The following NBEAL2 variants were observed in gnomAD, a reference collection of about 807,000 sequenced individuals.
NBEAL2 encodes neurobeachin like 2.
Under a neutral mutation model 299.8 loss-of-function variants are expected in NBEAL2, and 160 were observed. That is an observed-to-expected ratio of 0.53 (90% CI 0.47 to 0.61). NBEAL2 has a LOEUF of 0.61. Among genes scored for constraint, NBEAL2 ranks in the 20% least tolerant of loss-of-function variants. NBEAL2 has a pLI of 0.00. For synonymous variants in NBEAL2, 1,493 were observed against 1,542.3 expected (o/e 0.97, Z 0.75); for missense variants, 3,112 against 3,649.0 (o/e 0.85, Z 3.79).
At position 47,001,189 on chromosome 3, in the gene NBEAL2, A is replaced by G; in HGVS notation, c.4484+10A>G. Reference sequence around the variant, plus strand: ...ACTGCATCAAGCGCAGGTGAGAGGGAAAGTCTGGAGGGGGAGGGGCTTCAG... The same window carrying G: ...ACTGCATCAAGCGCAGGTGAGAGGGGAAGTCTGGAGGGGGAGGGGCTTCAG... On this transcript the variant is annotated intron_variant, in intron 28 of 53. Transcript: ENST00000450053. This position sits in a 1 kb window ranked among gnomAD's most constrained non-coding sequence, Gnocchi z 6.1. 1 of 1,606,988 alleles carries G rather than the reference A, an allele frequency of 6.2e-7. No homozygotes were observed. The highest frequency in any genetic ancestry group is 1.3e-5 in the African/African-American group (1 of 74,764).
In NBEAL2 at chr3:46,995,076, C is replaced by T. The variant is rs1575598590; in HGVS notation, c.1341C>T (p.Arg447=). 1.3e-6 allele frequency: 2 copies of T among 1,560,352 alleles called. No individual in the cohort carries two copies. The highest frequency in any genetic ancestry group is 1.7e-6 in the Non-Finnish European group (2 of 1,149,960). ...DHSMCPPPPI[R]NEQPVLVLAQ... ...GCATGTGCCCACCTCCACCAATCCG[C>T]AACGAGCAGCCGGTACTGGTGCTGG... Residue 447 remains arginine, a synonymous_variant, in exon 13 of 54, where the codon CGC becomes CGT. Transcript: ENST00000450053.
At position 46,999,940 on chromosome 3, in the gene NBEAL2, C is replaced by G; in HGVS notation, c.3841C>G (p.Gln1281Glu). 6.2e-7 allele frequency: 1 copy of G among 1,611,686 alleles called. No homozygotes were observed. The highest frequency in any genetic ancestry group is 1.1e-5 in the South Asian group (1 of 91,054). Residue 1281 changes from glutamine (Q) to glutamate (E), a missense_variant, in exon 27 of 54, where the codon CAG becomes GAG. This residue lies in a region of NBEAL2 where 2,243 missense variants were observed against 2,538.1 expected (regional missense o/e 0.88). Transcript: ENST00000450053. The part of the protein sequence containing the change: ...QPDVVRLLAR[Q>E]AGWQDVLTRL... ...AGATGTAGTGCGGCTTCTGGCCCGACAGGCTGGCTGGCAAGATGTGCTGAC... is the reference window on the plus strand; with the variant it reads ...AGATGTAGTGCGGCTTCTGGCCCGAGAGGCTGGCTGGCAAGATGTGCTGAC...
chr3:47,005,573 C>T lies in NBEAL2; in HGVS notation c.6645C>T (p.Leu2215=). 1 of 1,613,144 alleles carries T rather than the reference C, an allele frequency of 6.2e-7. No homozygotes were observed. The highest frequency in any genetic ancestry group is 8.5e-7 in the Non-Finnish European group (1 of 1,179,598). ...RLESPADVKE[L]IPEFFYFPDF... is the part of the protein sequence containing the mutation. ...AGAGCCCTGCCGATGTGAAGGAGCTCATCCCGGAATTCTTCTACTTTCCTG... is the reference window on the plus strand; with the variant it reads ...AGAGCCCTGCCGATGTGAAGGAGCTTATCCCGGAATTCTTCTACTTTCCTG... Residue 2215 remains leucine (L), a synonymous_variant, in exon 41 of 54, where the codon CTC becomes CTT. Coordinates refer to ENST00000450053, the MANE Select transcript of NBEAL2 (RefSeq NM_015175.3).
Position 46,999,413 on chromosome 3 carries a change from G to A in NBEAL2, c.3642G>A (p.Leu1214=), listed in dbSNP as rs1329497169. 1 of 1,595,794 alleles carries A rather than the reference G, an allele frequency of 6.3e-7. No individual in the cohort carries two copies. Among genetic ancestry groups the A allele is most frequent in the East Asian group, 2.3e-5 (1 of 43,826 alleles). ...GTCTCCAGGGTCTGGTTGCCTGCTTGCCTGAGGGGACTGTTTCCCCCCAGC... is the reference window on the plus strand; with the variant it reads ...GTCTCCAGGGTCTGGTTGCCTGCTTACCTGAGGGGACTGTTTCCCCCCAGC... The part of the protein sequence containing the change: ...ECGLQGLVAC[L]PEGTVSPQLC... Residue 1214 remains leucine, a synonymous_variant, in exon 25 of 54, where the codon TTG becomes TTA. Transcript: ENST00000450053.
At position 46,999,997 on chromosome 3, in the gene NBEAL2, G is replaced by A. The variant is rs575957245; in HGVS notation, c.3898G>A (p.Gly1300Ser). The A allele has an allele frequency of 3.2e-5, 52 of 1,612,154 alleles. No individual in the cohort carries two copies. In the African/African-American group the frequency reaches 4.3e-4, roughly 13 times the overall value. Residue 1300 changes from glycine (G) to serine (S), a missense_variant, in exon 27 of 54, where the codon GGC becomes AGC. Coordinates refer to ENST00000450053, the MANE Select transcript of NBEAL2 (RefSeq NM_015175.3). Reference protein sequence around the residue: ...RLYVLEAATAGSPPPSSPESP... With the variant: ...RLYVLEAATASSPPPSSPESP... Reference sequence around the variant, plus strand: ...ATATGTCCTGGAGGCTGCCACAGCCGGCAGCCCCCCTCCGTCTTCCCCAGA... The same window carrying A: ...ATATGTCCTGGAGGCTGCCACAGCCAGCAGCCCCCCTCCGTCTTCCCCAGA...
Position 47,003,274 on chromosome 3 carries a change from G to A in NBEAL2, c.5685G>A (p.Gln1895=), listed in dbSNP as rs1343146471. 1.2e-6 allele frequency: 2 copies of A among 1,613,060 alleles called. No homozygotes were observed. The highest frequency in any genetic ancestry group is 8.5e-7 in the Non-Finnish European group (1 of 1,179,852). Residue 1895 remains glutamine, a synonymous_variant, in exon 35 of 54, where the codon CAG becomes CAA. Transcript: ENST00000450053. This position sits in a 1 kb window ranked among gnomAD's most constrained non-coding sequence, Gnocchi z 7.0. The part of the protein sequence containing the change: ...STPPELLQED[Q]LGEDELAELE... Reference sequence around the variant, plus strand: ...CACCCGAGTTGCTGCAGGAGGACCAGCTCGGCGAGGACGAGCTGGCTGAGC... The same window carrying A: ...CACCCGAGTTGCTGCAGGAGGACCAACTCGGCGAGGACGAGCTGGCTGAGC...
Position 46,996,829 on chromosome 3 carries a change from C to T in NBEAL2, c.2552C>T (p.Pro851Leu), listed in dbSNP as rs1320075072. The T allele has an allele frequency of 6.2e-7, 1 of 1,612,670 alleles. No homozygotes were observed. Among genetic ancestry groups the T allele is most frequent in the Non-Finnish European group, 8.5e-7 (1 of 1,179,780 alleles). ...LSTRLLLHYS[P>L]QACKNNICLD... ...ACCAGGCTGCTCCTCCATTACTCACCTCAGGTATTTGGGGGCCCCAGGGGA... is the reference window on the plus strand; with the variant it reads ...ACCAGGCTGCTCCTCCATTACTCACTTCAGGTATTTGGGGGCCCCAGGGGA... Residue 851 changes from proline (P) to leucine (L), a missense_variant, in exon 17 of 54, where the codon CCT (proline) becomes CTT (leucine). Physicochemically the swap from Pro to Leu is moderately conservative, Grantham distance 98 (BLOSUM62 -3). Coordinates refer to ENST00000450053, the MANE Select transcript of NBEAL2 (RefSeq NM_015175.3).
chr3:46,984,867 C>T (rs140359912), intron 1 of NBEAL2, among the ~76,000 whole-genome samples: 1 of 152,212 alleles, frequency 6.6e-6, no homozygotes, highest in East Asian at 1.9e-4. Flanking sequence ...CAGGCCAGAG[C>T]CCCTGGATCT....
chr3:46,989,849 T>C lies in NBEAL2; in HGVS notation c.556+256T>C, dbSNP rs1227236442. On this transcript the variant is annotated intron_variant, in intron 6 of 53. Transcript: ENST00000450053. The surrounding 1 kb of genome is among the most constrained non-coding windows in gnomAD (Gnocchi z 5.5). ...CTCATCCTCTTTCCCCGCCATCTCC[T>C]GGATCCTTCTAGCCACTTGTACCCT... Among the ~76,000 whole-genome samples, 2 of 152,146 alleles carry C rather than the reference T, an allele frequency of 1.3e-5. No homozygotes were observed. The highest frequency in any genetic ancestry group is 3.9e-4 in the East Asian group (2 of 5,186).
Position 46,989,508 on chromosome 3 carries a change from C to A in NBEAL2, c.474-3C>A. The stretch of plus-strand genomic sequence containing the variant: ...CTGATGTACTTGGCCTCACTGCCCC[C>A]AGGGAAGTCATCAGCTCCAAGGAGA... On this transcript the variant is annotated splice_region_variant and splice_polypyrimidine_tract_variant and intron_variant, in intron 5 of 53. Coordinates refer to ENST00000450053, the MANE Select transcript of NBEAL2 (RefSeq NM_015175.3). The surrounding 1 kb of genome is among the most constrained non-coding windows in gnomAD (Gnocchi z 5.5). 6.3e-7 allele frequency: 1 copy of A among 1,588,186 alleles called. No homozygotes were observed. Among genetic ancestry groups the A allele is most frequent in the East Asian group, 2.3e-5 (1 of 43,272 alleles).
intron 40 of NBEAL2, 40 bp downstream of exon 40, chr3:47,005,361 A>T (rs1382340030): frequency 6.3e-7 from 1 of 1,592,060 alleles, no homozygotes; most frequent in South Asian, 1.1e-5. Flanking sequence ...GGGGGCAGAT[A>T]AGGGGAGGAG....
chr3:47,008,901 CAG>C (rs2037664320), intron 52 of NBEAL2, 86 bp from the exon 53 acceptor site: 2 of 1,551,518 alleles, frequency 1.3e-6, no homozygotes, highest in East Asian at 4.5e-5. Flanking sequence ...AAAATGAGGA[CAG>C]AGAGGGTATA....
intron 21 of NBEAL2, 65 bp downstream of exon 21, chr3:46,998,291 C>T: frequency 1.3e-6 from 2 of 1,564,156 alleles, no homozygotes; most frequent in Non-Finnish European, 1.7e-6. Context: ...AGTTAGAACT[C>T]TGCTCTGGGG....
rs780518137 is a variant in NBEAL2, at chr3:46,995,886, G to A, written c.2031+40G>A. 8.7e-6 allele frequency: 14 copies of A among 1,613,430 alleles called. No individual in the cohort carries two copies. In the South Asian group the frequency reaches 1.5e-4, roughly 18 times the overall value. On this transcript the variant is annotated intron_variant, in intron 14 of 53. Transcript: ENST00000450053. ...TTCTCATGTGGCCCAGTAGAGAGAG[G>A]GGTGCTGAGTCCCAAGTATGGCCTA... is the stretch of plus-strand genomic sequence containing the variant.
rs938546978 is a variant in NBEAL2 at position 46,998,907 on chromosome 3, C to T, written c.3384+28C>T. The T allele has an allele frequency of 5.6e-6, 9 of 1,598,018 alleles. No homozygotes were observed. In the Admixed American group the frequency reaches 1.0e-4, roughly 19 times the overall value. ...AGGCTGGAGGTTGGGGAGCGGGAGG[C>T]TTGGGTGAGGGGAGTGGGGGCCCGA... On this transcript the variant is annotated intron_variant, in intron 23 of 53. Transcript: ENST00000450053.
chr3:46,984,286 G>T (rs114792327), intron 1 of NBEAL2, among the ~76,000 whole-genome samples: 3 of 152,048 alleles, frequency 2.0e-5, no homozygotes, highest in African/African-American at 7.2e-5. Context: ...AGCCTGGGCC[G>T]GCGACAGAGC....
At position 46,996,440 on chromosome 3, in the gene NBEAL2, C is replaced by A. The variant is rs1398848650; in HGVS notation, c.2321C>A (p.Ala774Asp). Reference protein sequence around the residue: ...TGLGWGSGLVAPLQEGSIDST... With the variant: ...TGLGWGSGLVDPLQEGSIDST... The stretch of plus-strand genomic sequence containing the variant: ...CTTGGCTGGGGGTCCGGGCTGGTGG[C>A]CCCCCTGCAGGAGGGCAGCATCGAC... Residue 774 changes from alanine (A) to aspartate (D), a missense_variant, in exon 16 of 54, where the codon GCC (alanine) becomes GAC (aspartate). Physicochemically the swap from Ala to Asp is moderately radical, Grantham distance 126. This residue lies in a region of NBEAL2 where 2,243 missense variants were observed against 2,538.1 expected (regional missense o/e 0.88). Transcript: ENST00000450053. The A allele has an allele frequency of 1.2e-6, 2 of 1,607,676 alleles. No homozygotes were observed. Among genetic ancestry groups the A allele is most frequent in the East Asian group, 2.2e-5 (1 of 44,760 alleles).
At position 47,001,577 on chromosome 3, in the gene NBEAL2, C is replaced by G. The variant is rs2036993490; in HGVS notation, c.4645-112C>G. The G allele has an allele frequency of 1.3e-6, 2 of 1,564,916 alleles. No individual in the cohort carries two copies. The highest frequency in any genetic ancestry group is 1.7e-6 in the Non-Finnish European group (2 of 1,153,174). Reference sequence around the variant, plus strand: ...ATGAATGCCTGTGAGTGTGGACTTGCCTGTGTGCACAAACCCTACCTGGCC... The same window carrying G: ...ATGAATGCCTGTGAGTGTGGACTTGGCTGTGTGCACAAACCCTACCTGGCC... On this transcript the variant is annotated intron_variant, in intron 29 of 53. Coordinates refer to ENST00000450053, the MANE Select transcript of NBEAL2 (RefSeq NM_015175.3). This position sits in a 1 kb window ranked among gnomAD's most constrained non-coding sequence, Gnocchi z 6.1.
At position 47,000,284 on chromosome 3, in the gene NBEAL2, G is replaced by A. The variant is rs115350407; in HGVS notation, c.4185G>A (p.Pro1395=). The change falls in exon 27 of 54, where the codon CCG becomes CCA. Residue 1395 remains proline, a synonymous_variant. Coordinates refer to ENST00000450053, the MANE Select transcript of NBEAL2 (RefSeq NM_015175.3). This position sits in a 1 kb window ranked among gnomAD's most constrained non-coding sequence, Gnocchi z 4.5. ...GCACTCCTTCGCCACTGGATGGGCC[G>A]CGGCCCTTTCCTGCTGCTCCTGGCC... ...QPGTPSPLDG[P]RPFPAAPGRH... is the part of the protein sequence containing the mutation. 434 of 1,612,708 alleles carry A rather than the reference G, an allele frequency of 2.7e-4. No individual in the cohort carries two copies. The African/African-American group carries it at 4.7e-3, about 17-fold the overall frequency.
Sources: gnomAD v4.1 joint callset for allele counts (sites outside exome capture counted in the v4.1 genomes callset) on GRCh38, gnomAD v4.1.1 for gene constraint, gnomAD v4.1.1 regional missense constraint, Gnocchi (gnomAD v3.1) non-coding constraint, MANE v1.5 for transcripts, NCBI Gene and HGNC (gene_info 2026-07-23, HGNC 2026-07-21) for gene names.